The following ZMIZ1 variants were observed in gnomAD, a reference collection of about 807,000 sequenced individuals.
ZMIZ1 encodes zinc finger MIZ domain-containing protein 1.
Under a neutral mutation model 113.9 loss-of-function variants are expected in ZMIZ1, and 17 were observed. That is an observed-to-expected ratio of 0.15 (90% CI 0.10 to 0.22). The LOEUF (loss-of-function observed/expected upper bound fraction) is 0.22, where lower values mean the gene tolerates loss of function less well. Ranked by LOEUF, ZMIZ1 falls within the 10% of genes least tolerant of loss-of-function variation. The probability of loss-of-function intolerance (pLI) is 1.00; values close to 1 mark genes in which losing one functional copy is unlikely to be tolerated. For missense variants in ZMIZ1, 1,059 were observed against 1,477.8 expected, an observed-to-expected ratio of 0.72 and a Z score of 4.65; for synonymous variants, 607 against 603.1, an observed-to-expected ratio of 1.01 and a Z score of -0.09.
chr10:79,177,494 G>A (rs1451201196), intron 4 of ZMIZ1, among the ~76,000 whole-genome samples: 2 of 152,220 alleles, frequency 1.3e-5, no homozygotes, highest in South Asian at 2.1e-4. Flanking sequence ...TCCACCCTGC[G>A]AGGTGAGAAG....
intron 23 of ZMIZ1, among the ~76,000 whole-genome samples, chr10:79,308,882 C>CT (rs1202309409): frequency 6.6e-6 from 1 of 152,140 alleles, no homozygotes; most frequent in Non-Finnish European, 1.5e-5. Context: ...GACAATCAAG[C>CT]TTTCTCCTGC....
At chr10:79,160,094 G>A (rs1463030803) in intron 3 of ZMIZ1, among the ~76,000 whole-genome samples, 3 of 152,260 alleles carry the variant, frequency 2.0e-5, no homozygotes, top group Non-Finnish European at 2.9e-5. Context: ...AGCTGTGGGC[G>A]GTGGGGAGGC....
At chr10:79,297,944 C>A (rs999144037) in intron 14 of ZMIZ1, among the ~76,000 whole-genome samples, 2 of 152,128 alleles carry the variant, frequency 1.3e-5, no homozygotes, top group African/African-American at 4.8e-5. Context: ...TCCTGGGGAA[C>A]CTGGGCCCCA....
At chr10:79,279,825 G>A (rs1329171386) in intron 8 of ZMIZ1, among the ~76,000 whole-genome samples, 1 of 152,118 alleles carries the variant, frequency 6.6e-6, no homozygotes, top group Non-Finnish European at 1.5e-5. Flanking sequence ...AGTCAGGCAT[G>A]GTGGCACGCG....
chr10:79,070,594 C>T (rs1046774158), intron 1 of ZMIZ1, among the ~76,000 whole-genome samples: 4 of 152,136 alleles, frequency 2.6e-5, no homozygotes, highest in African/African-American at 9.7e-5. Context: ...AGCCCTACCC[C>T]TCTACCTGCA....
chr10:79,159,415 G>A (rs539269193), intron 3 of ZMIZ1, among the ~76,000 whole-genome samples: 14 of 152,328 alleles, frequency 9.2e-5, no homozygotes, highest in East Asian at 1.9e-4. Context: ...GCCCGGCGCC[G>A]TCTGGCCCTG....
intron 4 of ZMIZ1, among the ~76,000 whole-genome samples, chr10:79,179,876 T>A (rs1847040956): frequency 6.6e-6 from 1 of 152,136 alleles, no homozygotes; most frequent in South Asian, 2.1e-4. Context: ...GAGCAGGCAC[T>A]CCAGGCAGGC....
intron 4 of ZMIZ1, among the ~76,000 whole-genome samples, chr10:79,197,637 C>CAG (rs1847897326): frequency 2.7e-5 from 4 of 149,274 alleles, no homozygotes; most frequent in Admixed American, 6.7e-5. Flanking sequence ...CACACACACA[C>CAG]ACACACCTGT....
chr10:79,292,630 A>G (rs568932834), intron 11 of ZMIZ1: 31 of 532,640 alleles, frequency 5.8e-5, no homozygotes, highest in African/African-American at 5.7e-4. Context: ...GTACAACTGC[A>G]TATGGGGAAA....
At chr10:79,270,864 C>T (rs915523761) in intron 7 of ZMIZ1, among the ~76,000 whole-genome samples, 1 of 152,130 alleles carries the variant, frequency 6.6e-6, no homozygotes, top group African/African-American at 2.4e-5. Context: ...GGGGAACTGT[C>T]CCCACTACCC....
In ZMIZ1 at chr10:79,291,236, G is replaced by T. The variant is rs545030671; in HGVS notation, c.758+60G>T. 37 of 1,497,666 alleles carry T rather than the reference G, an allele frequency of 2.5e-5. No individual in the cohort carries two copies. The East Asian group carries it at 8.9e-4, about 36-fold the overall frequency. 92.8% of individuals were successfully genotyped at this position (1,497,666 alleles called of 1,614,324 possible). Reference sequence around the variant, plus strand: ...CGCCACCCCTCTTCCTCCTTCCAGTGGGGAGGGACCCACTTAAATCCCAGC... The same window carrying T: ...CGCCACCCCTCTTCCTCCTTCCAGTTGGGAGGGACCCACTTAAATCCCAGC... On this transcript the variant is annotated intron_variant, in intron 10 of 24. Transcript: ENST00000334512.
At position 79,244,078 on chromosome 10, in the gene ZMIZ1, T is replaced by TA. The variant is rs536899974; in HGVS notation, c.280+27806dup. Reference sequence around the variant, plus strand: ...GCTCAGTCGGCTCACGCTGCAAAAATAAGAATCGGCCAGGATGCCTTCGGA... The same window carrying TA: ...GCTCAGTCGGCTCACGCTGCAAAAATAAAGAATCGGCCAGGATGCCTTCGGA... On this transcript the variant is annotated intron_variant, in intron 7 of 24. Transcript: ENST00000334512. Among the ~76,000 whole-genome samples, 23 of 152,296 alleles carry TA rather than the reference T, an allele frequency of 1.5e-4. No homozygotes were observed. The East Asian group carries it at 4.5e-3, about 29-fold the overall frequency.
intron 1 of ZMIZ1, among the ~76,000 whole-genome samples, chr10:79,116,077 G>A (rs764035939): frequency 3.9e-5 from 6 of 152,152 alleles, no homozygotes; most frequent in Non-Finnish European, 8.8e-5. Flanking sequence ...TGTGAAATGG[G>A]GAGTATAATC....
chr10:79,284,102 G>A (rs1852908610), intron 8 of ZMIZ1, among the ~76,000 whole-genome samples: 1 of 152,260 alleles, frequency 6.6e-6, no homozygotes. Flanking sequence ...GAATGTGTGT[G>A]TAGATGCTGC....
At chr10:79,257,107 C>T (rs75081012) in intron 7 of ZMIZ1, among the ~76,000 whole-genome samples, 1 of 152,296 alleles carries the variant, frequency 6.6e-6, no homozygotes, top group Non-Finnish European at 1.5e-5. Context: ...TAAGCAAGCC[C>T]GAGTGAGCAC....
chr10:79,137,000 G>A (rs568111701), intron 2 of ZMIZ1, among the ~76,000 whole-genome samples: 3 of 152,264 alleles, frequency 2.0e-5, no homozygotes, highest in East Asian at 3.9e-4. Flanking sequence ...TCATGAGAAA[G>A]GGGCATGGAT....
Position 79,301,909 on chromosome 10 carries a change from A to C in ZMIZ1, c.2020-198A>C, listed in dbSNP as rs76953427. 9.6e-3 allele frequency among the ~76,000 whole-genome samples: 1,466 copies of C among 152,262 alleles called. 21 individuals carry two copies. Among genetic ancestry groups the C allele is most frequent in the Non-Finnish European group, 0.016 (1,092 of 68,000 alleles). On this transcript the variant is annotated intron_variant, in intron 17 of 24. Transcript: ENST00000334512. ...CTTATCCAGGGAGTATTTCAGTGTC[A>C]AAGTCCACCTTGTCGATCTGCAGCA...
In ZMIZ1 at chr10:79,312,886, C is replaced by T. The variant is rs376484859; in HGVS notation, c.*137C>T. The T allele has an allele frequency of 1.3e-4, 98 of 730,098 alleles. No homozygotes were observed. The highest frequency in any genetic ancestry group is 7.4e-4 in the South Asian group (42 of 57,052). 45.2% of individuals were successfully genotyped at this position (730,098 alleles called of 1,614,324 possible). On this transcript the variant is annotated 3_prime_UTR_variant, in exon 25 of 25. Coordinates refer to ENST00000334512, the MANE Select transcript of ZMIZ1 (RefSeq NM_020338.4). ...GGCTGTGGGGCGGGGAGCCCTCCCC[C>T]GCTGCAGCCCTCTCAGAACAGAGGG...
intron 19 of ZMIZ1, 112 bp from the exon 20 acceptor site, chr10:79,305,052 C>T: frequency 1.6e-6 from 2 of 1,262,744 alleles, no homozygotes; most frequent in South Asian, 1.2e-5. Flanking sequence ...CGGGGTTTCT[C>T]CCACAGCCTA....
Sources: allele counts gnomAD v4.1 joint callset (sites outside exome capture counted in the v4.1 genomes callset), GRCh38; gene constraint gnomAD v4.1.1; transcripts MANE v1.5; gene names NCBI Gene and HGNC (gene_info 2026-07-23, HGNC 2026-07-21).